SORCS2: variants seen among roughly 807,000 people sequenced by gnomAD.
SORCS2 encodes sortilin related VPS10 domain containing receptor 2.
SORCS2 carries 100 observed loss-of-function variants against 141.6 expected under a neutral mutation model. That is an observed-to-expected ratio of 0.71 (90% CI 0.60 to 0.83). The LOEUF (loss-of-function observed/expected upper bound fraction) is 0.83. Among genes scored for constraint, SORCS2 ranks in the 40% least tolerant of loss-of-function variants. The pLI, the probability that SORCS2 is intolerant of heterozygous loss-of-function variation, is 0.00. For synonymous variants in SORCS2, 789 were observed against 676.9 expected (o/e 1.17, Z -2.57); for missense variants, 1,646 against 1,560.2 (o/e 1.05, Z -0.93).
At chr4:7,234,319 C>T (rs1388619684) in intron 1 of SORCS2, among the ~76,000 whole-genome samples, 1 of 152,244 alleles carries the variant, frequency 6.6e-6, no homozygotes, top group African/African-American at 2.4e-5. Context: ...GCCTGTTCTG[C>T]TGCTGCAGAA....
chr4:7,468,857 G>A (rs528634864), intron 2 of SORCS2, among the ~76,000 whole-genome samples: 2 of 152,306 alleles, frequency 1.3e-5, no homozygotes, highest in East Asian at 1.9e-4. Context: ...TATCCAAAAC[G>A]CCGTATCTGT....
chr4:7,324,152 G>A (rs534738323), intron 1 of SORCS2, among the ~76,000 whole-genome samples: 1 of 152,372 alleles, frequency 6.6e-6, no homozygotes, highest in Admixed American at 6.5e-5. Context: ...TGGCTCTAAA[G>A]CCTATTCCCT....
At chr4:7,690,068 A>G (rs921852968) in intron 11 of SORCS2, among the ~76,000 whole-genome samples, 1 of 138,504 alleles carries the variant, frequency 7.2e-6, no homozygotes, top group African/African-American at 2.7e-5. Context: ...TGATGGATGG[A>G]TAGATGAATG....
At chr4:7,477,503 C>A (rs1407749604) in intron 2 of SORCS2, among the ~76,000 whole-genome samples, 2 of 152,068 alleles carry the variant, frequency 1.3e-5, no homozygotes, top group Non-Finnish European at 2.9e-5. Context: ...AGTGAGCTGG[C>A]TCCCATTCCA....
intron 1 of SORCS2, among the ~76,000 whole-genome samples, chr4:7,361,468 G>C (rs1721573584): frequency 1.3e-5 from 2 of 152,218 alleles, no homozygotes; most frequent in Admixed American, 6.5e-5. Flanking sequence ...CCTGGCCTCA[G>C]TGCAGCCGGG....
chr4:7,569,023 A>G (rs2109703201), intron 3 of SORCS2, among the ~76,000 whole-genome samples: 1 of 152,200 alleles, frequency 6.6e-6, no homozygotes, highest in South Asian at 2.1e-4. Flanking sequence ...CCTATCAGGG[A>G]TCTGTGTTTC....
chr4:7,464,223 C>T (rs1729476410), intron 2 of SORCS2, among the ~76,000 whole-genome samples: 1 of 152,194 alleles, frequency 6.6e-6, no homozygotes, highest in Non-Finnish European at 1.5e-5. Context: ...AGAACCCACC[C>T]AACTACCCAT....
At chr4:7,739,212 G>GC (rs564141857) in intron 26 of SORCS2, among the ~76,000 whole-genome samples, 31 of 152,254 alleles carry the variant, frequency 2.0e-4, no homozygotes, top group Admixed American at 1.0e-3. Flanking sequence ...ACAGCTGTGT[G>GC]CCCCCCGAAG....
At chr4:7,387,291 CAT>C (rs1560240680) in intron 1 of SORCS2, among the ~76,000 whole-genome samples, 2 of 2,624 alleles carry the variant, frequency 7.6e-4, no homozygotes, top group Non-Finnish European at 2.3e-3. Flanking sequence ...CATGCACATA[CAT>C]ACACATATGC....
chr4:7,730,404 C>T (rs1376648620), intron 23 of SORCS2, among the ~76,000 whole-genome samples: 1 of 152,204 alleles, frequency 6.6e-6, no homozygotes, highest in Non-Finnish European at 1.5e-5. Flanking sequence ...CCAGCAAGTC[C>T]ACTTATGGGT....
At chr4:7,725,554 T>C (rs1399026455) in intron 20 of SORCS2, among the ~76,000 whole-genome samples, 1 of 151,928 alleles carries the variant, frequency 6.6e-6, no homozygotes, top group Non-Finnish European at 1.5e-5. Context: ...ATTACCTGAG[T>C]TGGGGGTGGT....
chr4:7,602,496 G>T (rs1302027807), intron 3 of SORCS2, among the ~76,000 whole-genome samples: 4 of 150,908 alleles, frequency 2.7e-5, no homozygotes, highest in Non-Finnish European at 5.9e-5. Flanking sequence ...GGGCAGAGGC[G>T]CTCCCCACAT....
intron 4 of SORCS2, among the ~76,000 whole-genome samples, chr4:7,650,330 A>G (rs779144351): frequency 6.6e-6 from 1 of 152,198 alleles, no homozygotes; most frequent in Non-Finnish European, 1.5e-5. Flanking sequence ...GGATCCTGCT[A>G]TTACGGGTGT....
rs1712828437 is a variant in SORCS2 at position 7,243,158 on chromosome 4, G to GA, written c.480+50033dup. On this transcript the variant is annotated intron_variant, in intron 1 of 26. Transcript: ENST00000507866. ...CCCCATCCACGCACAAGCTCTGGGGGATTGCACTTAGTTGTCACGTGGGAT... is the reference window on the plus strand; with the variant it reads ...CCCCATCCACGCACAAGCTCTGGGGGAATTGCACTTAGTTGTCACGTGGGAT... Among the ~76,000 whole-genome samples the GA allele has an allele frequency of 2.6e-5, 4 of 152,310 alleles. No homozygotes were observed. The South Asian group carries it at 8.3e-4, about 32-fold the overall frequency.
chr4:7,712,655 GA>G, intron 14 of SORCS2, 77 bp from the exon 15 acceptor site: 1 of 1,586,286 alleles, frequency 6.3e-7, no homozygotes, highest in South Asian at 1.1e-5. Context: ...ACAGAGTCCA[GA>G]GGGGACATGA....
intron 2 of SORCS2, chr4:7,433,822 T>C (rs1206832049): frequency 1.2e-6 from 2 of 1,613,692 alleles, no homozygotes; most frequent in Non-Finnish European, 8.5e-7. Flanking sequence ...TGGGGTGATT[T>C]TGGCCACAAG....
intron 3 of SORCS2, among the ~76,000 whole-genome samples, chr4:7,614,880 C>A (rs1263393791): frequency 1.3e-5 from 2 of 151,964 alleles, no homozygotes; most frequent in African/African-American, 4.8e-5. Flanking sequence ...ACTCATCCAC[C>A]CATCTGCCAT....
At chr4:7,517,748 C>A (rs1211454331) in intron 2 of SORCS2, among the ~76,000 whole-genome samples, 1 of 152,206 alleles carries the variant, frequency 6.6e-6, no homozygotes, top group East Asian at 1.9e-4. Flanking sequence ...TAGAGCTTAA[C>A]CCTGGGAAAT....
chr4:7,334,502 A>G (rs968275752), intron 1 of SORCS2, among the ~76,000 whole-genome samples: 1 of 152,108 alleles, frequency 6.6e-6, no homozygotes, highest in Admixed American at 6.5e-5. Flanking sequence ...CTAGCACAGA[A>G]CCTGACACCT....
Sources: gnomAD v4.1 joint callset for allele counts (sites outside exome capture counted in the v4.1 genomes callset) on GRCh38, gnomAD v4.1.1 for gene constraint, MANE v1.5 for transcripts, NCBI Gene and HGNC (gene_info 2026-07-23, HGNC 2026-07-21) for gene names.